The following SDR42E1 variants were observed in gnomAD, a reference collection of about 807,000 sequenced individuals.
The protein encoded by SDR42E1 is short-chain dehydrogenase/reductase family 42E member 1.
SDR42E1 carries 5 observed loss-of-function variants against 2.6 expected under a neutral mutation model. The ratio of observed to expected loss-of-function variants is 1.94; its 90% CI spans 1.01 to 4.08. The LOEUF (loss-of-function observed/expected upper bound fraction) is 4.08, where lower values mean the gene tolerates loss of function less well. Ranked by LOEUF, SDR42E1 falls within the 30% of genes most tolerant of loss-of-function variation. The pLI, the probability that SDR42E1 is intolerant of heterozygous loss-of-function variation, is 0.00. For missense variants in SDR42E1, 596 were observed against 478.6 expected (o/e 1.25, Z -2.29); for synonymous variants, 231 against 188.3 (o/e 1.23, Z -1.86).
At chr16:82,003,505 C>T (rs1286812768) in intron 1 of SDR42E1, among the ~76,000 whole-genome samples, 1 of 152,222 alleles carries the variant, frequency 6.6e-6, no homozygotes, top group Non-Finnish European at 1.5e-5. Flanking sequence ...CTGCTACTGG[C>T]ACTCCGTGCT....
rs1201306938 is a variant in SDR42E1 at position 81,993,346 on chromosome 16, C to T, written c.*5765G>A. The T allele has an allele frequency of 6.6e-6, 1 of 152,138 alleles. No homozygotes were observed. Among genetic ancestry groups the T allele is most frequent in the Admixed American group, 6.6e-5 (1 of 15,266 alleles). The allele number at this position is 152,138 out of a possible 1,614,324, so 9.4% of individuals were successfully genotyped here. ...TAAGAAACACCTAGAGTGCAGATTA[C>T]CAACCAACACAGACTTTCTCAATCA... On this transcript the variant is annotated 3_prime_UTR_variant, in exon 3 of 3. Coordinates refer to ENST00000328945, the MANE Select transcript of SDR42E1 (RefSeq NM_145168.3).
Position 82,000,139 on chromosome 16 carries a change from T to G in SDR42E1, c.154A>C (p.Lys52Gln). ...SPAQTIPEGI[K>Q]FIQGDIRHLS... ...TGGCGGATGTCTCCTTGTATAAACT[T>G]GATTCCTTCTGGAATGGTTTGAGCA... Residue 52 changes from lysine to glutamine, a missense_variant, in exon 3 of 3, where the codon AAG becomes CAG. Coordinates refer to ENST00000328945, the MANE Select transcript of SDR42E1 (RefSeq NM_145168.3). 6.2e-7 allele frequency: 1 copy of G among 1,614,208 alleles called. No homozygotes were observed. Among genetic ancestry groups the G allele is most frequent in the Non-Finnish European group, 8.5e-7 (1 of 1,180,028 alleles).
chr16:81,990,622 G>T lies in SDR42E1; in HGVS notation c.*8489C>A, dbSNP rs981482050. 6.6e-6 allele frequency: 1 copy of T among 152,174 alleles called. No individual in the cohort carries two copies. The highest frequency in any genetic ancestry group is 1.5e-5 in the Non-Finnish European group (1 of 68,052). The allele number at this position is 152,174 out of a possible 1,614,324, so 9.4% of individuals were successfully genotyped here. A position where few individuals can be genotyped will look rare whatever the true frequency, so the allele number is the denominator to read the frequency against. On this transcript the variant is annotated 3_prime_UTR_variant, in exon 3 of 3. Transcript: ENST00000328945. ...CCTCTGTGCCATTAAATCCATACAA[G>T]TTCCCCCAAGAGATAAGCAGGGAAT... is the stretch of plus-strand genomic sequence containing the variant.
rs918865592 is a variant in SDR42E1 at position 81,998,798 on chromosome 16, C to G, written c.*313G>C. 67 of 328,550 alleles carry G rather than the reference C, an allele frequency of 2.0e-4. No homozygotes were observed. Among genetic ancestry groups the G allele is most frequent in the African/African-American group, 1.3e-3 (60 of 46,502 alleles). The allele number at this position is 328,550 out of a possible 1,614,324, so 20.4% of individuals were successfully genotyped here. A position where few individuals can be genotyped will look rare whatever the true frequency, so the allele number is the denominator to read the frequency against. On this transcript the variant is annotated 3_prime_UTR_variant, in exon 3 of 3. Coordinates refer to ENST00000328945, the MANE Select transcript of SDR42E1 (RefSeq NM_145168.3). The stretch of plus-strand genomic sequence containing the variant: ...TGGAAATAAGTATATCTTGCCCTCT[C>G]AGAAATTCAAGATGGGCATCTCCAA...
chr16:82,008,695 A>ATG (rs1362043777), intron 1 of SDR42E1, among the ~76,000 whole-genome samples: 2 of 152,206 alleles, frequency 1.3e-5, no homozygotes, highest in Non-Finnish European at 2.9e-5. Flanking sequence ...GTAGGTTTGA[A>ATG]AAATTTGCAG....
At chr16:82,002,389 G>A (rs374148192) in intron 1 of SDR42E1, among the ~76,000 whole-genome samples, 1 of 152,244 alleles carries the variant, frequency 6.6e-6, no homozygotes, top group South Asian at 2.1e-4. Context: ...CTATGTTACA[G>A]GAATGCTAAA....
Position 82,000,002 on chromosome 16 carries a change from T to G in SDR42E1, c.291A>C (p.Glu97Asp). 1 of 1,614,200 alleles carries G rather than the reference T, an allele frequency of 6.2e-7. No homozygotes were observed. Among genetic ancestry groups the G allele is most frequent in the Non-Finnish European group, 8.5e-7 (1 of 1,180,034 alleles). Residue 97 changes from glutamate to aspartate, a missense_variant, in exon 3 of 3, where the codon GAA becomes GAC. By Grantham distance (45) the Glu-to-Asp change is conservative. Coordinates refer to ENST00000328945, the MANE Select transcript of SDR42E1 (RefSeq NM_145168.3). The stretch of plus-strand genomic sequence containing the variant: ...TGTTGTCTGTGCCCCTGACGTTGAC[T>G]TCTTTGATCAGGTTTCGATTGAGTT... ...REQLNRNLIK[E>D]VNVRGTDNIL...
Position 81,999,580 on chromosome 16 carries a change from G to C in SDR42E1, c.713C>G (p.Ala238Gly), listed in dbSNP as rs773547300. ...LVQAHILASE[A>G]LRADKGHIAS... ...AATATGGCCCTTGTCAGCTCTCAGG[G>C]CTTCTGAGGCCAGAATGTGAGCCTG... The change falls in exon 3 of 3, where the codon GCC (alanine) becomes GGC (glycine). Residue 238 changes from alanine to glycine, a missense_variant. Physicochemically the swap from Ala to Gly is moderately conservative, Grantham distance 60. Transcript: ENST00000328945. The C allele has an allele frequency of 5.0e-6, 8 of 1,614,010 alleles. No individual in the cohort carries two copies. Among genetic ancestry groups the C allele is most frequent in the Non-Finnish European group, 6.8e-6 (8 of 1,180,040 alleles).
rs948680481 is a variant in SDR42E1, at chr16:81,998,084, T to A, written c.*1027A>T. ...AGTGTAACTGGATCATCTGTAACAG[T>A]TTGTGGGTGGCCAGACAGTGCTGCC... On this transcript the variant is annotated 3_prime_UTR_variant, in exon 3 of 3. Transcript: ENST00000328945. The A allele has an allele frequency of 1.3e-5, 2 of 152,184 alleles. No individual in the cohort carries two copies. Among genetic ancestry groups the A allele is most frequent in the Non-Finnish European group, 2.9e-5 (2 of 68,030 alleles). 9.4% of individuals were successfully genotyped at this position (152,184 alleles called of 1,614,324 possible).
In SDR42E1 at chr16:81,998,077, G is replaced by GT. The variant is rs1192993498; in HGVS notation, c.*1033dup. 6.6e-6 allele frequency: 1 copy of GT among 152,186 alleles called. No homozygotes were observed. Among genetic ancestry groups the GT allele is most frequent in the African/African-American group, 2.4e-5 (1 of 41,444 alleles). The allele number at this position is 152,186 out of a possible 1,614,324, so 9.4% of individuals were successfully genotyped here. A position where few individuals can be genotyped will look rare whatever the true frequency, so the allele number is the denominator to read the frequency against. On this transcript the variant is annotated 3_prime_UTR_variant, in exon 3 of 3. Transcript: ENST00000328945. ...ATGCAACAGTGTAACTGGATCATCT[G>GT]TAACAGTTTGTGGGTGGCCAGACAG...
At chr16:82,010,643 T>C (rs1186314303) in intron 1 of SDR42E1, among the ~76,000 whole-genome samples, 2 of 152,196 alleles carry the variant, frequency 1.3e-5, no homozygotes, top group African/African-American at 4.8e-5. Flanking sequence ...ACCTATGACC[T>C]GGAAGCCCCC....
At chr16:82,000,307 A>G in intron 2 of SDR42E1, 83 bp from the exon 3 acceptor site, 2 of 1,544,500 alleles carry the variant, frequency 1.3e-6, no homozygotes, top group Non-Finnish European at 8.8e-7. Context: ...TTACCAATCA[A>G]GGTGGGGCTG....
In SDR42E1 at chr16:81,999,855, G is replaced by T; in HGVS notation, c.438C>A (p.His146Gln). The T allele has an allele frequency of 6.2e-7, 1 of 1,614,176 alleles. No homozygotes were observed. The highest frequency in any genetic ancestry group is 8.5e-7 in the Non-Finnish European group (1 of 1,180,040). ...TCCGAGAGTAGTGATCAGGGTGGAGGTGAAGAGGCAGGTAGGGCAGAGATT... is the reference window on the plus strand; with the variant it reads ...TCCGAGAGTAGTGATCAGGGTGGAGTTGAAGAGGCAGGTAGGGCAGAGATT... Reference protein sequence around the residue: ...GDESLPYLPLHLHPDHYSRTK... With the variant: ...GDESLPYLPLQLHPDHYSRTK... Residue 146 changes from histidine to glutamine, a missense_variant, in exon 3 of 3, where the codon CAC becomes CAA. By Grantham distance (24) the His-to-Gln change is conservative. Transcript: ENST00000328945.
At chr16:82,002,540 G>A (rs1332312971) in intron 1 of SDR42E1, among the ~76,000 whole-genome samples, 2 of 152,138 alleles carry the variant, frequency 1.3e-5, no homozygotes, top group Admixed American at 1.3e-4. Context: ...TACTAGGAAA[G>A]TACTATTAGA....
At position 81,998,698 on chromosome 16, in the gene SDR42E1, A is replaced by G. The variant is rs1229159163; in HGVS notation, c.*413T>C. The G allele has an allele frequency of 1.1e-5, 2 of 176,298 alleles. No homozygotes were observed. The highest frequency in any genetic ancestry group is 2.4e-5 in the Non-Finnish European group (2 of 83,476). The allele number at this position is 176,298 out of a possible 1,614,324, so 10.9% of individuals were successfully genotyped here. A position where few individuals can be genotyped will look rare whatever the true frequency, so the allele number is the denominator to read the frequency against. ...TCTGGGCCAATTTGGTGTTTTTCAC[A>G]CGCATTCAAGCCTGATAGTGTTTCG... On this transcript the variant is annotated 3_prime_UTR_variant, in exon 3 of 3. Coordinates refer to ENST00000328945, the MANE Select transcript of SDR42E1 (RefSeq NM_145168.3).
intron 1 of SDR42E1, among the ~76,000 whole-genome samples, chr16:82,001,993 T>C (rs60500257): frequency 0.082 from 11,173 of 136,820 alleles, 1,172 homozygotes; most frequent in African/African-American, 0.3. Flanking sequence ...CACACACACA[T>C]ATACCTGTGC....
Position 81,999,975 on chromosome 16 carries a change from G to A in SDR42E1, c.318C>T (p.Ile106=), listed in dbSNP as rs1390724396. The A allele has an allele frequency of 6.2e-6, 10 of 1,614,080 alleles. No individual in the cohort carries two copies. Among genetic ancestry groups the A allele is most frequent in the East Asian group, 2.2e-5 (1 of 44,892 alleles). Residue 106 remains isoleucine, a synonymous_variant, in exon 3 of 3, where the codon ATC becomes ATT. Coordinates refer to ENST00000328945, the MANE Select transcript of SDR42E1 (RefSeq NM_145168.3). ...CCCTTCTCCTTTGGCAAACCTGGAG[G>A]ATGTTGTCTGTGCCCCTGACGTTGA... is the stretch of plus-strand genomic sequence containing the variant. ...KEVNVRGTDN[I]LQVCQRRRVP...
Position 81,995,805 on chromosome 16 carries a change from A to G in SDR42E1, c.*3306T>C, listed in dbSNP as rs1196588241. On this transcript the variant is annotated 3_prime_UTR_variant, in exon 3 of 3. Transcript: ENST00000328945. ...CAAGACAAAGTTCCCACCCTCATAG[A>G]GCTAACAGGCATTAAACAAATAACC... is the stretch of plus-strand genomic sequence containing the variant. 6.6e-6 allele frequency: 1 copy of G among 152,240 alleles called. No homozygotes were observed. Among genetic ancestry groups the G allele is most frequent in the Non-Finnish European group, 1.5e-5 (1 of 68,070 alleles). The allele number at this position is 152,240 out of a possible 1,614,324, so 9.4% of individuals were successfully genotyped here. A position where few individuals can be genotyped will look rare whatever the true frequency, so the allele number is the denominator to read the frequency against.
rs1452816529 is a variant in SDR42E1 at position 81,991,505 on chromosome 16, C to T, written c.*7606G>A. On this transcript the variant is annotated 3_prime_UTR_variant, in exon 3 of 3. Transcript: ENST00000328945. The stretch of plus-strand genomic sequence containing the variant: ...GCCGAGGCAAGAGGATTGCTTGGGG[C>T]AAGGAATTCAAGACCAGCCCAGGTA... The T allele has an allele frequency of 6.6e-6, 1 of 151,890 alleles. No individual in the cohort carries two copies. Among genetic ancestry groups the T allele is most frequent in the Non-Finnish European group, 1.5e-5 (1 of 68,006 alleles). The allele number at this position is 151,890 out of a possible 1,614,324, so 9.4% of individuals were successfully genotyped here.
Sources: gnomAD v4.1 joint callset for allele counts (sites outside exome capture counted in the v4.1 genomes callset) on GRCh38, gnomAD v4.1.1 for gene constraint, MANE v1.5 for transcripts, NCBI Gene and HGNC (gene_info 2026-07-23, HGNC 2026-07-21) for gene names.